ZNF827: variants seen among roughly 807,000 people sequenced by gnomAD.
ZNF827 encodes zinc finger protein 827.
Under a neutral mutation model 102.4 loss-of-function variants are expected in ZNF827, and 13 were observed. The observed-to-expected ratio is 0.13, with a 90% CI of 0.08 to 0.20. The LOEUF (loss-of-function observed/expected upper bound fraction) is 0.20, where lower values mean the gene tolerates loss of function less well. Among genes scored for constraint, ZNF827 ranks in the 10% least tolerant of loss-of-function variants. The pLI is 1.00. For synonymous variants in ZNF827, 523 were observed against 536.2 expected, an observed-to-expected ratio of 0.98 and a Z score of 0.34; for missense variants, 1,103 against 1,344.4, an observed-to-expected ratio of 0.82 and a Z score of 2.81.
At chr4:145,865,745 G>A (rs1047177687) in intron 5 of ZNF827, among the ~76,000 whole-genome samples, 1 of 152,118 alleles carries the variant, frequency 6.6e-6, no homozygotes. Flanking sequence ...TTTGTGGTTC[G>A]CATGTATTGT....
chr4:145,844,996 G>T (rs1745793394), intron 7 of ZNF827, among the ~76,000 whole-genome samples: 1 of 152,170 alleles, frequency 6.6e-6, no homozygotes, highest in South Asian at 2.1e-4. Flanking sequence ...GCTCAGGAAA[G>T]CAAAGTTCCT....
At chr4:145,812,589 G>A (rs1381919211) in intron 8 of ZNF827, among the ~76,000 whole-genome samples, 2 of 151,814 alleles carry the variant, frequency 1.3e-5, no homozygotes, top group African/African-American at 4.8e-5. Context: ...GTGCAGTGGC[G>A]TGATCTAGGC....
chr4:145,827,279 G>T (rs888004230), intron 7 of ZNF827, among the ~76,000 whole-genome samples: 2 of 152,168 alleles, frequency 1.3e-5, no homozygotes, highest in African/African-American at 2.4e-5. Flanking sequence ...ATGAATCCTT[G>T]CAACAAATGG....
chr4:145,919,438 A>G (rs1752906489), intron 1 of ZNF827, among the ~76,000 whole-genome samples: 1 of 152,156 alleles, frequency 6.6e-6, no homozygotes, highest in Non-Finnish European at 1.5e-5. Context: ...TTCCTGCATC[A>G]CTCTGCTTAG....
intron 7 of ZNF827, among the ~76,000 whole-genome samples, chr4:145,833,691 C>T (rs1357096695): frequency 2.0e-5 from 3 of 151,842 alleles, no homozygotes; most frequent in Admixed American, 6.6e-5. Flanking sequence ...ACCCCAACCT[C>T]GTATCTCTGT....
At chr4:145,879,146 T>C (rs1442093203) in intron 4 of ZNF827, among the ~76,000 whole-genome samples, 1 of 152,172 alleles carries the variant, frequency 6.6e-6, no homozygotes. Flanking sequence ...TAATAGCTAA[T>C]TAAGTAGTCA....
chr4:145,853,712 C>G (rs1746767135), intron 5 of ZNF827, among the ~76,000 whole-genome samples: 1 of 152,170 alleles, frequency 6.6e-6, no homozygotes, highest in Non-Finnish European at 1.5e-5. Context: ...GGTCTGTAAT[C>G]CCAGTACTTC....
At chr4:145,837,485 A>AG (rs1744969479) in intron 7 of ZNF827, among the ~76,000 whole-genome samples, 1 of 151,438 alleles carries the variant, frequency 6.6e-6, no homozygotes, top group South Asian at 2.1e-4. Context: ...CCAAAAAAAA[A>AG]CTTGTCATCC....
chr4:145,817,170 A>T (rs1742666941), intron 8 of ZNF827, among the ~76,000 whole-genome samples: 1 of 152,156 alleles, frequency 6.6e-6, no homozygotes, highest in African/African-American at 2.4e-5. Flanking sequence ...TCCCCATCCC[A>T]GTCACTACCT....
chr4:145,793,755 C>T (rs1438463590), intron 8 of ZNF827, among the ~76,000 whole-genome samples: 1 of 152,110 alleles, frequency 6.6e-6, no homozygotes, highest in Non-Finnish European at 1.5e-5. Flanking sequence ...AAAGCTGTTA[C>T]CTCTAACTTT....
chr4:145,843,200 C>T (rs1745591273), intron 7 of ZNF827, among the ~76,000 whole-genome samples: 1 of 143,912 alleles, frequency 6.9e-6, no homozygotes, highest in East Asian at 2.1e-4. Flanking sequence ...ATAGGCTAAT[C>T]AAGTAAGCTG....
At chr4:145,858,051 C>A (rs962023045) in intron 5 of ZNF827, among the ~76,000 whole-genome samples, 2 of 152,020 alleles carry the variant, frequency 1.3e-5, no homozygotes, top group Non-Finnish European at 2.9e-5. Flanking sequence ...TAAATCTAAG[C>A]CCTGTCCATC....
rs1309510488 is a variant in ZNF827 at position 145,762,893 on chromosome 4, G to A, written c.*17+197C>T. Among the ~76,000 whole-genome samples, 1 of 152,238 alleles carries A rather than the reference G, an allele frequency of 6.6e-6. No homozygotes were observed. Among genetic ancestry groups the A allele is most frequent in the Non-Finnish European group, 1.5e-5 (1 of 68,048 alleles). On this transcript the variant is annotated intron_variant, in intron 14 of 14. Transcript: ENST00000508784. This position sits in a 1 kb window ranked among gnomAD's most constrained non-coding sequence, Gnocchi z 4.9. Reference sequence around the variant, plus strand: ...GGCTCCTGCAGGGCAGGGCTCAGGAGTGGACTGTCCTCGGAGGGTCTGGAG... The same window carrying A: ...GGCTCCTGCAGGGCAGGGCTCAGGAATGGACTGTCCTCGGAGGGTCTGGAG...
intron 8 of ZNF827, among the ~76,000 whole-genome samples, chr4:145,792,275 G>A (rs1232592385): frequency 6.6e-6 from 1 of 151,836 alleles, no homozygotes; most frequent in Non-Finnish European, 1.5e-5. Context: ...GAGTGTAGAA[G>A]GTCTGATGCA....
At chr4:145,855,002 C>T (rs1038722536) in intron 5 of ZNF827, among the ~76,000 whole-genome samples, 1 of 152,222 alleles carries the variant, frequency 6.6e-6, no homozygotes, top group Non-Finnish European at 1.5e-5. Flanking sequence ...GTTGAGCAAG[C>T]TTAATGCTAT....
At chr4:145,851,737 T>C (rs930359029) in intron 5 of ZNF827, among the ~76,000 whole-genome samples, 30 of 152,208 alleles carry the variant, frequency 2.0e-4, no homozygotes, top group African/African-American at 5.8e-4. Context: ...TTTCTCTTCA[T>C]GTCTGCAAAG....
chr4:145,761,662 G>A lies in ZNF827; in HGVS notation c.*18-64C>T, dbSNP rs1236347031. On this transcript the variant is annotated intron_variant, in intron 14 of 14. Coordinates refer to ENST00000508784, the MANE Select transcript of ZNF827 (RefSeq NM_001306215.2). This position sits in a 1 kb window ranked among gnomAD's most constrained non-coding sequence, Gnocchi z 6.8. ...AGGTTCGGAGGCAGCCGCGCTTCTCGCCGCCTCACCAGCCTTCCCTCACAC... is the reference window on the plus strand; with the variant it reads ...AGGTTCGGAGGCAGCCGCGCTTCTCACCGCCTCACCAGCCTTCCCTCACAC... The A allele has an allele frequency of 3.1e-5, 32 of 1,034,282 alleles. No homozygotes were observed. The highest frequency in any genetic ancestry group is 3.8e-5 in the Non-Finnish European group (30 of 784,022). 64.1% of individuals were successfully genotyped at this position (1,034,282 alleles called of 1,614,324 possible).
At chr4:145,848,585 G>A (rs539981438) in intron 6 of ZNF827, among the ~76,000 whole-genome samples, 4 of 152,066 alleles carry the variant, frequency 2.6e-5, no homozygotes, top group Non-Finnish European at 5.9e-5. Context: ...ATTTCTATCC[G>A]AATCTTATAT....
intron 5 of ZNF827, among the ~76,000 whole-genome samples, chr4:145,863,025 A>T (rs1261133546): frequency 2.6e-5 from 4 of 152,244 alleles, no homozygotes; most frequent in Non-Finnish European, 5.9e-5. Flanking sequence ...TCCAGAATAC[A>T]TAAGAAACTT....
Sources: allele counts gnomAD v4.1 joint callset (sites outside exome capture counted in the v4.1 genomes callset), GRCh38; gene constraint gnomAD v4.1.1; non-coding constraint Gnocchi (gnomAD v3.1); transcripts MANE v1.5; gene names NCBI Gene and HGNC (gene_info 2026-07-23, HGNC 2026-07-21).